Variants in CCDC91 observed in about 807,000 individuals in gnomAD.
CCDC91 encodes the protein coiled-coil domain containing 91.
A neutral mutation model predicts 63.2 loss-of-function variants in CCDC91; 48 were observed. The ratio of observed to expected loss-of-function variants is 0.76; its 90% CI spans 0.60 to 0.97. The LOEUF (loss-of-function observed/expected upper bound fraction) is 0.97, where lower values mean the gene tolerates loss of function less well. Among genes scored for constraint, CCDC91 ranks in the 50% least tolerant of loss-of-function variants. The pLI is 0.00. For synonymous variants in CCDC91, 167 were observed against 165.8 expected (o/e 1.01, Z -0.06); for missense variants, 500 against 494.6 (o/e 1.01, Z -0.10).
chr12:28,536,462 A>G (rs977372523), intron 12 of CCDC91, among the ~76,000 whole-genome samples: 1 of 152,212 alleles, frequency 6.6e-6, no homozygotes, highest in African/African-American at 2.4e-5. Context: ...AATATGTTTC[A>G]TCATAGAGAA....
At chr12:28,486,890 A>C (rs149058200) in intron 12 of CCDC91, among the ~76,000 whole-genome samples, 1 of 152,018 alleles carries the variant, frequency 6.6e-6, no homozygotes, top group African/African-American at 2.4e-5. Context: ...AAGGAGAATA[A>C]ATCTAATACC....
intron 8 of CCDC91, among the ~76,000 whole-genome samples, chr12:28,398,607 T>G (rs1946430646): frequency 6.6e-6 from 1 of 152,170 alleles, no homozygotes; most frequent in Non-Finnish European, 1.5e-5. Flanking sequence ...TTCCAAAGTT[T>G]TATTATATTT....
chr12:28,214,593 GTGTGTT>G (rs1454018439), intron 1 of CCDC91, among the ~76,000 whole-genome samples: 1 of 152,144 alleles, frequency 6.6e-6, no homozygotes, highest in Non-Finnish European at 1.5e-5. Context: ...GTGTGTGTGT[GTGTGTT>G]TGTTTTCTGT....
chr12:28,398,406 C>T lies in CCDC91; in HGVS notation c.762+6995C>T, dbSNP rs142340702. On this transcript the variant is annotated intron_variant, in intron 8 of 12. Coordinates refer to ENST00000536442, the MANE Select transcript of CCDC91 (RefSeq NM_018318.5). The stretch of plus-strand genomic sequence containing the variant: ...TAAGTAGTATTCTATTGTATGGAAA[C>T]GTAGCATTTTGTTTATTCATTCACT... Among the ~76,000 whole-genome samples, 665 of 152,144 alleles carry T rather than the reference C, an allele frequency of 4.4e-3. 12 individuals are homozygous for T. In the South Asian group the frequency reaches 0.073, roughly 17 times the overall value.
chr12:28,399,825 A>G (rs1213964771), intron 8 of CCDC91, among the ~76,000 whole-genome samples: 7 of 152,200 alleles, frequency 4.6e-5, no homozygotes, highest in Admixed American at 3.9e-4. Flanking sequence ...CACTGATGCA[A>G]AAGGTGGGCT....
chr12:28,306,868 A>T lies in CCDC91; in HGVS notation c.394A>T (p.Ile132Leu). ...SEDPGANVSN[I>L]QLQQKISSLE... Reference sequence around the variant, plus strand: ...GGATCCTGGAGCCAATGTATCTAACATACAGCTTCAGCAAAAAATTTCAAG... The same window carrying T: ...GGATCCTGGAGCCAATGTATCTAACTTACAGCTTCAGCAAAAAATTTCAAG... Residue 132 changes from isoleucine to leucine, a missense_variant, in exon 5 of 13, where the codon ATA (isoleucine) becomes TTA (leucine). Transcript: ENST00000536442. 1 of 1,612,378 alleles carries T rather than the reference A, an allele frequency of 6.2e-7. No homozygotes were observed. The highest frequency in any genetic ancestry group is 8.5e-7 in the Non-Finnish European group (1 of 1,178,840).
intron 1 of CCDC91, among the ~76,000 whole-genome samples, chr12:28,224,289 G>T (rs1358925898): frequency 6.6e-6 from 1 of 152,022 alleles, no homozygotes; most frequent in Non-Finnish European, 1.5e-5. Flanking sequence ...TTAAGCTGAG[G>T]TTCCCAAAGG....
chr12:28,328,037 T>C (rs532091860), intron 6 of CCDC91, among the ~76,000 whole-genome samples: 16 of 152,290 alleles, frequency 1.1e-4, no homozygotes, highest in Admixed American at 9.2e-4. Context: ...GGGCACTCTG[T>C]TAATTTAACA....
intron 7 of CCDC91, among the ~76,000 whole-genome samples, chr12:28,376,580 A>G (rs1397873537): frequency 6.6e-6 from 1 of 151,848 alleles, no homozygotes; most frequent in Non-Finnish European, 1.5e-5. Flanking sequence ...CAGAGGGACT[A>G]TCAAAGAAAG....
chr12:28,453,993 A>C (rs2140372709), intron 11 of CCDC91, among the ~76,000 whole-genome samples: 1 of 152,294 alleles, frequency 6.6e-6, no homozygotes, highest in African/African-American at 2.4e-5. Context: ...AGAGTCTACA[A>C]GAAACATGCA....
chr12:28,433,989 C>A (rs1055488817), intron 8 of CCDC91, among the ~76,000 whole-genome samples: 5 of 151,674 alleles, frequency 3.3e-5, no homozygotes, highest in African/African-American at 9.7e-5. Flanking sequence ...ATTTCAAATT[C>A]CACTTGTTTT....
Position 28,452,505 on chromosome 12 carries a change from G to A in CCDC91, c.952G>A (p.Val318Ile). 1 of 1,578,980 alleles carries A rather than the reference G, an allele frequency of 6.3e-7. No homozygotes were observed. Among genetic ancestry groups the A allele is most frequent in the Non-Finnish European group, 8.6e-7 (1 of 1,163,336 alleles). Reference sequence around the variant, plus strand: ...TGAAAAAGAAGCAGTGAAGGATGCAGTTTTAAAAGTCGTAGAAGAAGAAAG... The same window carrying A: ...TGAAAAAGAAGCAGTGAAGGATGCAATTTTAAAAGTCGTAGAAGAAGAAAG... ...KLEKEAVKDAVLKVVEEERKN... is the reference protein window; with the variant it reads ...KLEKEAVKDAILKVVEEERKN... Residue 318 changes from valine to isoleucine, a missense_variant, in exon 11 of 13, where the codon GTT (valine) becomes ATT (isoleucine). By Grantham distance (29) the Val-to-Ile change is conservative (BLOSUM62 3). Transcript: ENST00000536442.
At chr12:28,364,143 TG>T (rs1254988155) in intron 7 of CCDC91, among the ~76,000 whole-genome samples, 2 of 152,060 alleles carry the variant, frequency 1.3e-5, no homozygotes, top group African/African-American at 2.4e-5. Context: ...CCCAACACTT[TG>T]GGAGGCCGAA....
chr12:28,350,782 G>A (rs893822523), intron 6 of CCDC91, among the ~76,000 whole-genome samples: 4 of 152,146 alleles, frequency 2.6e-5, no homozygotes, highest in Admixed American at 6.5e-5. Context: ...CTGGCAGTAT[G>A]ACTGACTCCA....
At position 28,485,122 on chromosome 12, in the gene CCDC91, A is replaced by T. The variant is rs545970545; in HGVS notation, c.1215+957A>T. 3.3e-5 allele frequency among the ~76,000 whole-genome samples: 5 copies of T among 151,882 alleles called. No individual in the cohort carries two copies. In the East Asian group the frequency reaches 9.7e-4, roughly 29 times the overall value. ...CTGCAGTTGGCAGTTCAAGAAGTGC[A>T]CTAAAAGCTCATGACACTACTTTAG... On this transcript the variant is annotated intron_variant, in intron 12 of 12. Coordinates refer to ENST00000536442, the MANE Select transcript of CCDC91 (RefSeq NM_018318.5).
intron 8 of CCDC91, among the ~76,000 whole-genome samples, chr12:28,410,756 A>G (rs1041951896): frequency 1.3e-5 from 2 of 152,096 alleles, no homozygotes; most frequent in Non-Finnish European, 2.9e-5. Flanking sequence ...TCCTGACCTC[A>G]GGTAATCCGC....
chr12:28,543,628 T>C (rs1304581593), intron 12 of CCDC91, among the ~76,000 whole-genome samples: 6 of 152,002 alleles, frequency 3.9e-5, no homozygotes, highest in Non-Finnish European at 8.8e-5. Context: ...CTAAATATTT[T>C]TATCTGTGCT....
At chr12:28,284,332 T>G (rs1340319434) in intron 3 of CCDC91, among the ~76,000 whole-genome samples, 1 of 152,148 alleles carries the variant, frequency 6.6e-6, no homozygotes, top group Non-Finnish European at 1.5e-5. Flanking sequence ...GATTATACTT[T>G]TTTGTATTTA....
intron 12 of CCDC91, among the ~76,000 whole-genome samples, chr12:28,499,342 A>G (rs11049670): frequency 0.21 from 31,559 of 151,184 alleles, 4,303 homozygotes; most frequent in Non-Finnish European, 0.31. Context: ...CTTGGAATAT[A>G]TGGCACCTCA....
Sources: gnomAD v4.1 joint callset for allele counts (sites outside exome capture counted in the v4.1 genomes callset) on GRCh38, gnomAD v4.1.1 for gene constraint, MANE v1.5 for transcripts, NCBI Gene and HGNC (gene_info 2026-07-23, HGNC 2026-07-21) for gene names.